Variants in MMP16 observed in about 807,000 individuals in gnomAD.
MMP16 encodes matrix metalloproteinase-16.
A neutral mutation model predicts 67.8 loss-of-function variants in MMP16; 12 were observed. The ratio of observed to expected loss-of-function variants is 0.18; its 90% CI spans 0.11 to 0.29. The LOEUF is 0.29. Among genes scored for constraint, MMP16 ranks in the 10% least tolerant of loss-of-function variants. MMP16 has a pLI of 1.00. For synonymous variants in MMP16, 249 were observed against 255.9 expected (o/e 0.97, Z 0.26); for missense variants, 475 against 765.7 (o/e 0.62, Z 4.48).
Position 88,235,326 on chromosome 8 carries a change from A to T in MMP16, c.133-38020T>A, listed in dbSNP as rs1016633274. 5.4e-5 allele frequency among the ~76,000 whole-genome samples: 8 copies of T among 148,714 alleles called. No homozygotes were observed. In the South Asian group the frequency reaches 1.8e-3, roughly 33 times the overall value. On this transcript the variant is annotated intron_variant, in intron 1 of 9. Transcript: ENST00000286614. ...AGAATCGCTTGAACCTGGGAGGCGG[A>T]GGTTGCAGTGAGCTGAGATCACACC...
In MMP16 at chr8:88,109,975, A is replaced by C. The variant is rs550467385; in HGVS notation, c.1083+6532T>G. The stretch of plus-strand genomic sequence containing the variant: ...AAATTTATACCAAAATAAAATGTAC[A>C]TAATAAAATATATCCTAAATTCCAA... On this transcript the variant is annotated intron_variant, in intron 6 of 9. Transcript: ENST00000286614. Among the ~76,000 whole-genome samples, 491 of 151,370 alleles carry C rather than the reference A, an allele frequency of 3.2e-3. 4 individuals are homozygous for C. Among genetic ancestry groups the C allele is most frequent in the African/African-American group, 9.8e-3 (408 of 41,468 alleles).
At chr8:88,055,396 C>T (rs543960344) in intron 8 of MMP16, among the ~76,000 whole-genome samples, 54 of 152,088 alleles carry the variant, frequency 3.6e-4, no homozygotes, top group South Asian at 3.5e-3. Flanking sequence ...TTAGTAGAGA[C>T]GGGGTTTCGC....
At chr8:88,263,894 C>T (rs1463590697) in intron 1 of MMP16, among the ~76,000 whole-genome samples, 2 of 152,060 alleles carry the variant, frequency 1.3e-5, no homozygotes, top group South Asian at 2.1e-4. Flanking sequence ...AAATCCTCCA[C>T]AAAATGTGTA....
chr8:88,191,404 A>G (rs1442430408), intron 2 of MMP16, among the ~76,000 whole-genome samples: 2 of 152,186 alleles, frequency 1.3e-5, no homozygotes, highest in East Asian at 3.9e-4. Flanking sequence ...ACTATTATTA[A>G]CTTACAATTC....
At chr8:88,141,092 C>A (rs183536328) in intron 4 of MMP16, among the ~76,000 whole-genome samples, 3 of 152,100 alleles carry the variant, frequency 2.0e-5, no homozygotes, top group African/African-American at 7.2e-5. Flanking sequence ...ACTCTCCATA[C>A]GCAAGTCGAA....
At chr8:88,236,877 A>G (rs6982189) in intron 1 of MMP16, among the ~76,000 whole-genome samples, 194 of 121,730 alleles carry the variant, frequency 1.6e-3, no homozygotes, top group Admixed American at 2.8e-3. Context: ...CATCAGCTAC[A>G]CCTTTCAAGA....
intron 1 of MMP16, among the ~76,000 whole-genome samples, chr8:88,244,267 A>C (rs1389360199): frequency 6.6e-6 from 1 of 152,200 alleles, no homozygotes; most frequent in Non-Finnish European, 1.5e-5. Flanking sequence ...TATAATTGGG[A>C]AATATAAAAA....
chr8:88,280,455 T>C (rs1415193718), intron 1 of MMP16, among the ~76,000 whole-genome samples: 3 of 152,186 alleles, frequency 2.0e-5, no homozygotes, highest in Non-Finnish European at 4.4e-5. Flanking sequence ...AATACCAATA[T>C]ACCATCTCCA....
intron 4 of MMP16, among the ~76,000 whole-genome samples, chr8:88,139,255 T>A (rs929868517): frequency 6.6e-6 from 1 of 152,118 alleles, no homozygotes; most frequent in Non-Finnish European, 1.5e-5. Context: ...AGCATTTTTC[T>A]TCTTCAGTGA....
chr8:88,088,009 G>C (rs559214383), intron 6 of MMP16, among the ~76,000 whole-genome samples: 4 of 120,792 alleles, frequency 3.3e-5, no homozygotes, highest in Non-Finnish European at 6.4e-5. Flanking sequence ...CTATATAAAA[G>C]AATGTGTATC....
intron 2 of MMP16, 51 bp from the exon 3 acceptor site, chr8:88,186,649 T>C: frequency 2.0e-6 from 3 of 1,516,052 alleles, no homozygotes; most frequent in East Asian, 4.7e-5. Context: ...AGTTATTTAC[T>C]AACAACCCTA....
intron 1 of MMP16, among the ~76,000 whole-genome samples, chr8:88,300,987 C>T (rs1048637746): frequency 2.6e-5 from 4 of 152,124 alleles, no homozygotes; most frequent in Non-Finnish European, 4.4e-5. Context: ...TGTTTAGAGG[C>T]AGGGAGACAC....
chr8:88,193,368 A>G (rs1809199813), intron 2 of MMP16, among the ~76,000 whole-genome samples: 1 of 152,106 alleles, frequency 6.6e-6, no homozygotes, highest in Non-Finnish European at 1.5e-5. Flanking sequence ...AACAAAACAA[A>G]ACACACAAAA....
At chr8:88,173,050 TTTG>T (rs1236324772) in intron 3 of MMP16, among the ~76,000 whole-genome samples, 6 of 152,236 alleles carry the variant, frequency 3.9e-5, no homozygotes, top group African/African-American at 9.6e-5. Context: ...TTTAAAGGTT[TTTG>T]TTGTTGTTGT....
chr8:88,244,711 G>A (rs996137823), intron 1 of MMP16, among the ~76,000 whole-genome samples: 2 of 152,138 alleles, frequency 1.3e-5, no homozygotes, highest in African/African-American at 2.4e-5. Flanking sequence ...TTGAACACAA[G>A]CAGTGTGGCT....
chr8:88,205,005 C>A (rs904290232), intron 1 of MMP16, among the ~76,000 whole-genome samples: 1 of 152,166 alleles, frequency 6.6e-6, no homozygotes, highest in East Asian at 1.9e-4. Context: ...AGAATCTGTT[C>A]TTTGGTCACA....
At chr8:88,109,915 TG>T (rs1486399999) in intron 6 of MMP16, among the ~76,000 whole-genome samples, 2 of 151,302 alleles carry the variant, frequency 1.3e-5, no homozygotes, top group African/African-American at 4.8e-5. Context: ...AAAACATTTT[TG>T]CATGATTATA....
At position 88,206,561 on chromosome 8, in the gene MMP16, G is replaced by A. The variant is rs189877907; in HGVS notation, c.133-9255C>T. 2.4e-3 allele frequency among the ~76,000 whole-genome samples: 372 copies of A among 152,300 alleles called. 1 individual carries two copies. The highest frequency in any genetic ancestry group is 8.6e-3 in the African/African-American group (357 of 41,574). ...TGTCCAGGGTCTGTTCACGCCTTGT[G>A]CCCTAAGCTGCTGGATAGGCTCTGG... is the stretch of plus-strand genomic sequence containing the variant. On this transcript the variant is annotated intron_variant, in intron 1 of 9. Coordinates refer to ENST00000286614, the MANE Select transcript of MMP16 (RefSeq NM_005941.5).
intron 1 of MMP16, among the ~76,000 whole-genome samples, chr8:88,223,428 G>C (rs1166016565): frequency 1.3e-5 from 2 of 151,980 alleles, no homozygotes; most frequent in East Asian, 1.9e-4. Flanking sequence ...CAATAGCAAA[G>C]ACTTGGAACC....
Sources: allele counts gnomAD v4.1 joint callset (sites outside exome capture counted in the v4.1 genomes callset), GRCh38; gene constraint gnomAD v4.1.1; transcripts MANE v1.5; gene names NCBI Gene and HGNC (gene_info 2026-07-23, HGNC 2026-07-21).